ASCC3: variants seen among roughly 807,000 people sequenced by gnomAD.
ASCC3 encodes activating signal cointegrator 1 complex subunit 3.
Under a neutral mutation model 256.3 loss-of-function variants are expected in ASCC3, and 158 were observed. That is an observed-to-expected ratio of 0.62 (90% CI 0.54 to 0.70). The LOEUF is 0.70. ASCC3 is among the 30% of genes least tolerant of loss of function. The pLI is 0.00. For missense variants in ASCC3, 2,259 were observed against 2,626.0 expected, an observed-to-expected ratio of 0.86 and a Z score of 3.05; for synonymous variants, 948 against 883.4, an observed-to-expected ratio of 1.07 and a Z score of -1.30.
At chr6:100,652,992 T>A in intron 17 of ASCC3, 103 bp from the exon 18 acceptor site, 2 of 1,071,046 alleles carry the variant, frequency 1.9e-6, no homozygotes, top group Admixed American at 4.3e-5. Context: ...AATGTTTTAG[T>A]TAGACTTTTT....
chr6:100,524,530 T>A (rs778086359), intron 37 of ASCC3, among the ~76,000 whole-genome samples: 1 of 152,118 alleles, frequency 6.6e-6, no homozygotes, highest in African/African-American at 2.4e-5. Flanking sequence ...ATCACTGACC[T>A]AGTCTACTAA....
intron 37 of ASCC3, among the ~76,000 whole-genome samples, chr6:100,526,820 A>G (rs1774599033): frequency 6.6e-6 from 1 of 152,216 alleles, no homozygotes; most frequent in Admixed American, 6.5e-5. Flanking sequence ...TTATGGCAGA[A>G]TATGAACTCC....
chr6:100,748,011 T>C (rs1421097151), intron 10 of ASCC3, among the ~76,000 whole-genome samples: 1 of 152,018 alleles, frequency 6.6e-6, no homozygotes, highest in African/African-American at 2.4e-5. Context: ...ATCCTCTTAT[T>C]TAGAAAAAGG....
intron 30 of ASCC3, among the ~76,000 whole-genome samples, chr6:100,616,728 C>T (rs1274600819): frequency 6.6e-6 from 1 of 152,064 alleles, no homozygotes; most frequent in Non-Finnish European, 1.5e-5. Flanking sequence ...TTGCAGAATC[C>T]TAATTAATTT....
At chr6:100,659,985 GA>G (rs1327581209) in intron 16 of ASCC3, among the ~76,000 whole-genome samples, 2 of 151,356 alleles carry the variant, frequency 1.3e-5, no homozygotes, top group African/African-American at 4.8e-5. Context: ...CTCTACATTT[GA>G]AATATAGTCT....
intron 20 of ASCC3, among the ~76,000 whole-genome samples, chr6:100,648,493 G>C (rs1041288026): frequency 5.3e-4 from 81 of 151,914 alleles, no homozygotes; most frequent in Non-Finnish European, 2.4e-4. Context: ...ATGAGTTAAA[G>C]GCTTTCATTT....
chr6:100,759,515 T>C (rs555300896), intron 10 of ASCC3, among the ~76,000 whole-genome samples: 1 of 152,308 alleles, frequency 6.6e-6, no homozygotes, highest in South Asian at 2.1e-4. Flanking sequence ...CTATTGTTTG[T>C]TTTTGTCAGC....
chr6:100,809,243 C>T (rs1770340536), intron 4 of ASCC3, among the ~76,000 whole-genome samples: 1 of 151,878 alleles, frequency 6.6e-6, no homozygotes, highest in Non-Finnish European at 1.5e-5. Flanking sequence ...ATAAACTTTA[C>T]ATTTAACTGT....
At chr6:100,625,131 T>C in intron 30 of ASCC3, 61 bp downstream of exon 30, 6 of 1,579,382 alleles carry the variant, frequency 3.8e-6, no homozygotes, top group Non-Finnish European at 5.2e-6. Context: ...TATGTAATGA[T>C]CATTCTAATA....
At chr6:100,802,919 G>A (rs974684488) in intron 5 of ASCC3, among the ~76,000 whole-genome samples, 2 of 151,966 alleles carry the variant, frequency 1.3e-5, no homozygotes, top group African/African-American at 4.8e-5. Context: ...GAGATGAGAG[G>A]ATTGCTTGAG....
At chr6:100,699,791 A>C (rs1398825984) in intron 13 of ASCC3, among the ~76,000 whole-genome samples, 1 of 152,172 alleles carries the variant, frequency 6.6e-6, no homozygotes, top group African/African-American at 2.4e-5. Context: ...TGTTTTAGCA[A>C]AGAGACTGGC....
chr6:100,875,503 T>C (rs1773956177), intron 1 of ASCC3, among the ~76,000 whole-genome samples: 1 of 152,140 alleles, frequency 6.6e-6, no homozygotes, highest in African/African-American at 2.4e-5. Flanking sequence ...CTAAGTCAAA[T>C]ATACATAAGC....
chr6:100,851,997 G>A (rs1206268335), intron 3 of ASCC3, among the ~76,000 whole-genome samples: 1 of 152,146 alleles, frequency 6.6e-6, no homozygotes. Flanking sequence ...CACACTGTCC[G>A]CATGAGATGA....
chr6:100,526,250 G>C (rs2114632044), intron 37 of ASCC3, among the ~76,000 whole-genome samples: 1 of 152,288 alleles, frequency 6.6e-6, no homozygotes, highest in African/African-American at 2.4e-5. Flanking sequence ...TGCTAATGCA[G>C]TACAAATTAA....
rs557383743 is a variant in ASCC3 at position 100,688,482 on chromosome 6, A to C, written c.2152-8730T>G. Among the ~76,000 whole-genome samples the C allele has an allele frequency of 8.5e-5, 13 of 152,316 alleles. No individual in the cohort carries two copies. In the East Asian group the frequency reaches 1.3e-3, roughly 16 times the overall value. On this transcript the variant is annotated intron_variant, in intron 13 of 41. Coordinates refer to ENST00000369162, the MANE Select transcript of ASCC3 (RefSeq NM_006828.4). ...CATTTTTCATAAAATTTCATTTAAG[A>C]AATAAAATAGAAACTCTCATACCTA...
At chr6:100,864,597 A>G (rs1773393887) in intron 2 of ASCC3, among the ~76,000 whole-genome samples, 2 of 152,204 alleles carry the variant, frequency 1.3e-5, no homozygotes, top group Non-Finnish European at 2.9e-5. Flanking sequence ...ACTATAGTGT[A>G]TATAAATAAG....
intron 11 of ASCC3, among the ~76,000 whole-genome samples, chr6:100,721,617 A>G (rs1779336172): frequency 6.6e-6 from 1 of 151,718 alleles, no homozygotes; most frequent in Non-Finnish European, 1.5e-5. Context: ...TTTTAGCTAA[A>G]AGCTGGTTTT....
chr6:100,868,102 A>T, intron 1 of ASCC3, 64 bp from the exon 2 acceptor site: 1 of 909,832 alleles, frequency 1.1e-6, no homozygotes. Flanking sequence ...CAAACTCAAC[A>T]AATTAGCTTG....
intron 8 of ASCC3, among the ~76,000 whole-genome samples, chr6:100,783,073 T>C (rs1782521556): frequency 6.6e-6 from 1 of 152,060 alleles, no homozygotes; most frequent in African/African-American, 2.4e-5. Flanking sequence ...ACATGTCTGA[T>C]TTAGTGGAAA....
Sources: gnomAD v4.1 joint callset for allele counts (sites outside exome capture counted in the v4.1 genomes callset) on GRCh38, gnomAD v4.1.1 for gene constraint, MANE v1.5 for transcripts, NCBI Gene and HGNC (gene_info 2026-07-23, HGNC 2026-07-21) for gene names.